ST3GAL1: variants seen among roughly 807,000 people sequenced by gnomAD.
The protein encoded by ST3GAL1 is ST3 beta-galactoside alpha-2,3-sialyltransferase 1.
ST3GAL1 carries 16 observed loss-of-function variants against 34.1 expected under a neutral mutation model. The observed-to-expected ratio is 0.47, with a 90% confidence interval of 0.32 to 0.71. ST3GAL1 has a LOEUF of 0.71. Among genes scored for constraint, ST3GAL1 ranks in the 30% least tolerant of loss-of-function variants. The pLI is 0.04. For synonymous variants in ST3GAL1, 191 were observed against 184.7 expected (o/e 1.03, Z -0.28); for missense variants, 353 against 447.4 (o/e 0.79, Z 1.90).
At chr8:133,549,552 T>C (rs1156938227) in intron 1 of ST3GAL1, among the ~76,000 whole-genome samples, 1 of 152,242 alleles carries the variant, frequency 6.6e-6, no homozygotes, top group Non-Finnish European at 1.5e-5. Flanking sequence ...AAGCAACGCA[T>C]AACATCTTGA....
chr8:133,517,359 A>AT (rs890371877), intron 2 of ST3GAL1, among the ~76,000 whole-genome samples: 16 of 151,630 alleles, frequency 1.1e-4, no homozygotes, highest in African/African-American at 2.2e-4. Context: ...TTATTTTATT[A>AT]TTTTTTTTGA....
chr8:133,507,178 G>T (rs181902628), intron 2 of ST3GAL1, among the ~76,000 whole-genome samples: 252 of 152,314 alleles, frequency 1.7e-3, no homozygotes, highest in African/African-American at 5.5e-3. Context: ...TGACAGTAGG[G>T]AAGAGAAATG....
At chr8:133,497,751 G>C (rs973415045) in intron 3 of ST3GAL1, among the ~76,000 whole-genome samples, 3 of 152,050 alleles carry the variant, frequency 2.0e-5, no homozygotes. Flanking sequence ...AGGATTACAG[G>C]CATGAACCAC....
At chr8:133,542,524 C>G (rs1441814362) in intron 2 of ST3GAL1, among the ~76,000 whole-genome samples, 1 of 152,110 alleles carries the variant, frequency 6.6e-6, no homozygotes, top group East Asian at 1.9e-4. Context: ...CCTGTATTCC[C>G]AGAACTTTGG....
At chr8:133,552,539 G>A (rs577070646) in intron 1 of ST3GAL1, among the ~76,000 whole-genome samples, 1 of 152,330 alleles carries the variant, frequency 6.6e-6, no homozygotes, top group East Asian at 1.9e-4. Context: ...ACTGAGCAGG[G>A]AAGCTCAGAG....
intron 3 of ST3GAL1, among the ~76,000 whole-genome samples, chr8:133,487,693 G>A (rs548266997): frequency 7.9e-5 from 12 of 152,356 alleles, no homozygotes; most frequent in African/African-American, 2.6e-4. Context: ...GAATGGCTGG[G>A]TGTGGTGGCT....
intron 1 of ST3GAL1, among the ~76,000 whole-genome samples, chr8:133,563,996 C>A (rs979855061): frequency 6.6e-6 from 1 of 152,208 alleles, no homozygotes; most frequent in Non-Finnish European, 1.5e-5. Context: ...CTATTCTGCA[C>A]GTCACTTTCA....
intron 2 of ST3GAL1, among the ~76,000 whole-genome samples, chr8:133,523,706 T>A (rs1030412342): frequency 2.6e-5 from 4 of 152,188 alleles, no homozygotes; most frequent in Non-Finnish European, 5.9e-5. Flanking sequence ...AATTGACAAA[T>A]GTCTGTTGAG....
At chr8:133,473,181 C>T (rs1295222738) in intron 5 of ST3GAL1, among the ~76,000 whole-genome samples, 1 of 152,176 alleles carries the variant, frequency 6.6e-6, no homozygotes, top group African/African-American at 2.4e-5. Flanking sequence ...CTTTTTAACC[C>T]TCCTGGGCGA....
intron 5 of ST3GAL1, 77 bp downstream of exon 5, chr8:133,475,642 C>T (rs569135430): frequency 1.4e-6 from 2 of 1,436,878 alleles, no homozygotes; most frequent in African/African-American, 2.9e-5. Flanking sequence ...ATCCAGATCC[C>T]CACTCTCAGC....
intron 2 of ST3GAL1, chr8:133,543,986 G>A (rs1170643701): frequency 6.6e-6 from 1 of 152,228 alleles, no homozygotes; most frequent in East Asian, 1.9e-4. Context: ...TGAGGTGCTT[G>A]AAGACCAACC....
chr8:133,566,368 C>G (rs1296317955), intron 1 of ST3GAL1, among the ~76,000 whole-genome samples: 1 of 152,228 alleles, frequency 6.6e-6, no homozygotes, highest in Non-Finnish European at 1.5e-5. Flanking sequence ...TTCCTGCCTT[C>G]AGTCAACTCC....
chr8:133,457,112 T>C lies in ST3GAL1; in HGVS notation c.*2652A>G, dbSNP rs1474847272. ...CTGTCCTCTCCCGTGCCTGTCACGC[T>C]CCACTCCCCACCCAGCTGCAATGTG... On this transcript the variant is annotated 3_prime_UTR_variant, in exon 10 of 10. Transcript: ENST00000522652. The C allele has an allele frequency of 1.3e-5, 2 of 152,228 alleles. No homozygotes were observed. Among genetic ancestry groups the C allele is most frequent in the Non-Finnish European group, 2.9e-5 (2 of 68,066 alleles). 9.4% of individuals were successfully genotyped at this position (152,228 alleles called of 1,614,324 possible). A position where few individuals can be genotyped will look rare whatever the true frequency, so the allele number is the denominator to read the frequency against.
At chr8:133,554,298 G>A (rs1252233435) in intron 1 of ST3GAL1, among the ~76,000 whole-genome samples, 1 of 152,142 alleles carries the variant, frequency 6.6e-6, no homozygotes, top group Non-Finnish European at 1.5e-5. Flanking sequence ...GCTGCTCTCC[G>A]GCTGCCCCAA....
At chr8:133,465,632 C>T in intron 6 of ST3GAL1, 1 of 384,806 alleles carries the variant, frequency 2.6e-6, no homozygotes, top group Non-Finnish European at 4.6e-6. Context: ...CCTCCATGTG[C>T]CAAGCTCCCA....
chr8:133,484,659 C>T (rs1440696391), intron 3 of ST3GAL1, among the ~76,000 whole-genome samples: 2 of 152,162 alleles, frequency 1.3e-5, no homozygotes, highest in Non-Finnish European at 2.9e-5. Context: ...GGGAGTGTGT[C>T]TGACCTCCAC....
chr8:133,504,113 G>T (rs117845428), intron 2 of ST3GAL1, among the ~76,000 whole-genome samples: 10 of 152,134 alleles, frequency 6.6e-5, no homozygotes, highest in African/African-American at 2.4e-4. Flanking sequence ...TGGAAGGTGG[G>T]GAGGGAGGGC....
At position 133,511,600 on chromosome 8, in the gene ST3GAL1, G is replaced by T. The variant is rs796856560; in HGVS notation, c.-428-12411C>A. Among the ~76,000 whole-genome samples the T allele has an allele frequency of 7.2e-5, 11 of 152,292 alleles. No individual in the cohort carries two copies. The South Asian group carries it at 2.1e-3, about 29-fold the overall frequency. ...AGCAAAGTCAGTCACCCAAACTTAG[G>T]TCACCAGGCTCCGGAGTGATGCCAA... On this transcript the variant is annotated intron_variant, in intron 2 of 9. Transcript: ENST00000522652.
At chr8:133,509,878 T>C (rs1379689958) in intron 2 of ST3GAL1, among the ~76,000 whole-genome samples, 1 of 151,996 alleles carries the variant, frequency 6.6e-6, no homozygotes, top group East Asian at 1.9e-4. Flanking sequence ...GCCAAAATGG[T>C]GACACCCCAT....
Sources: allele counts gnomAD v4.1 joint callset (sites outside exome capture counted in the v4.1 genomes callset), GRCh38; gene constraint gnomAD v4.1.1; transcripts MANE v1.5; gene names NCBI Gene and HGNC (gene_info 2026-07-23, HGNC 2026-07-21).